Variants in TMEM45B observed in about 807,000 individuals in gnomAD.
The protein encoded by TMEM45B is transmembrane protein 45B.
TMEM45B carries 29 observed loss-of-function variants against 27.3 expected under a neutral mutation model. That is an observed-to-expected ratio of 1.06 (90% CI 0.79 to 1.45). The LOEUF (loss-of-function observed/expected upper bound fraction) is 1.45. TMEM45B is among the 40% of genes most tolerant of loss of function. The pLI is 0.00. For missense variants in TMEM45B, 348 were observed against 343.9 expected, an observed-to-expected ratio of 1.01 and a Z score of -0.09; for synonymous variants, 143 against 134.7, an observed-to-expected ratio of 1.06 and a Z score of -0.43.
chr11:129,830,109 C>T (rs1361744701), intron 1 of TMEM45B, among the ~76,000 whole-genome samples: 4 of 152,196 alleles, frequency 2.6e-5, no homozygotes, highest in Non-Finnish European at 5.9e-5. Flanking sequence ...GGCTGAATCA[C>T]CTGAAGTTAG....
chr11:129,845,712 C>A (rs926800627), intron 1 of TMEM45B, among the ~76,000 whole-genome samples: 1 of 151,896 alleles, frequency 6.6e-6, no homozygotes, highest in Non-Finnish European at 1.5e-5. Context: ...CTAAATAAAC[C>A]GTCCCAATAA....
intron 1 of TMEM45B, among the ~76,000 whole-genome samples, chr11:129,817,952 TAA>T (rs1405981928): frequency 6.6e-6 from 1 of 152,222 alleles, no homozygotes; most frequent in Non-Finnish European, 1.5e-5. Flanking sequence ...GTAAGAGAAT[TAA>T]AGTCACTAGT....
chr11:129,847,674 G>A lies in TMEM45B; in HGVS notation c.-8-4801G>A, dbSNP rs1034967686. On this transcript the variant is annotated intron_variant, in intron 1 of 5. Coordinates refer to ENST00000281441, the MANE Select transcript of TMEM45B (RefSeq NM_138788.5). ...ATCCATTTAACCCTGAGTGGACACA[G>A]CACATGTTTCAGAGAGCACAGGGTT... 1.3e-3 allele frequency among the ~76,000 whole-genome samples: 200 copies of A among 152,014 alleles called. 1 individual carries two copies. Among genetic ancestry groups the A allele is most frequent in the African/African-American group, 4.7e-3 (195 of 41,444 alleles).
chr11:129,824,728 C>A (rs564667640), intron 1 of TMEM45B, among the ~76,000 whole-genome samples: 7 of 152,126 alleles, frequency 4.6e-5, no homozygotes, highest in Non-Finnish European at 1.0e-4. Flanking sequence ...GACTAATGGG[C>A]AAGACATATG....
At chr11:129,816,696 A>T (rs1002472070) in intron 1 of TMEM45B, among the ~76,000 whole-genome samples, 1 of 149,056 alleles carries the variant, frequency 6.7e-6, no homozygotes, top group African/African-American at 2.5e-5. Context: ...ATTTGAGGGC[A>T]GGTAGCTCTC....
chr11:129,826,316 G>A (rs897750977), intron 1 of TMEM45B, among the ~76,000 whole-genome samples: 11 of 151,954 alleles, frequency 7.2e-5, no homozygotes, highest in Non-Finnish European at 1.2e-4. Context: ...TTGGGAGGCC[G>A]AGGCGGGCGG....
intron 2 of TMEM45B, among the ~76,000 whole-genome samples, 172 bp from the exon 3 acceptor site, chr11:129,854,438 C>A (rs1342008180): frequency 6.6e-6 from 1 of 152,194 alleles, no homozygotes; most frequent in Admixed American, 6.5e-5. Context: ...AGCACACACC[C>A]TACTTTATAC....
chr11:129,842,510 T>G (rs753625086), intron 1 of TMEM45B, among the ~76,000 whole-genome samples: 3 of 152,230 alleles, frequency 2.0e-5, no homozygotes, highest in Non-Finnish European at 4.4e-5. Flanking sequence ...TTAACTAATC[T>G]TCTACAAGGT....
chr11:129,829,450 A>C (rs1947523215), intron 1 of TMEM45B, among the ~76,000 whole-genome samples: 1 of 152,204 alleles, frequency 6.6e-6, no homozygotes, highest in African/African-American at 2.4e-5. Flanking sequence ...ATCTGACAAA[A>C]TTTTAAGATT....
At chr11:129,851,295 G>C (rs1407898131) in intron 1 of TMEM45B, among the ~76,000 whole-genome samples, 2 of 152,056 alleles carry the variant, frequency 1.3e-5, no homozygotes, top group Non-Finnish European at 2.9e-5. Flanking sequence ...TGTAATCCCA[G>C]CACTTTGGGA....
intron 1 of TMEM45B, chr11:129,828,298 G>A (rs536950591): frequency 6.6e-6 from 1 of 152,320 alleles, no homozygotes; most frequent in South Asian, 2.1e-4. Context: ...ATATCATGGT[G>A]AAATCGTGCC....
Position 129,856,884 on chromosome 11 carries a change from G to A in TMEM45B, c.571-429G>A, listed in dbSNP as rs1441575442. Among the ~76,000 whole-genome samples the A allele has an allele frequency of 7.2e-4, 103 of 142,298 alleles. 1 individual carries two copies. The highest frequency in any genetic ancestry group is 1.7e-3 in the Admixed American group (24 of 13,988). The allele number at this position is 142,298 out of a possible 152,430, so 93.4% of individuals were successfully genotyped here. On this transcript the variant is annotated intron_variant, in intron 4 of 5. Coordinates refer to ENST00000281441, the MANE Select transcript of TMEM45B (RefSeq NM_138788.5). Reference sequence around the variant, plus strand: ...TTTTTTTTTTTTTTAAGACAGTCTCGCACTGTGGCCCGGGCTGGTGTGCAG... The same window carrying A: ...TTTTTTTTTTTTTTAAGACAGTCTCACACTGTGGCCCGGGCTGGTGTGCAG...
At chr11:129,853,706 C>A (rs1947881234) in intron 2 of TMEM45B, among the ~76,000 whole-genome samples, 1 of 152,182 alleles carries the variant, frequency 6.6e-6, no homozygotes, top group Admixed American at 6.5e-5. Flanking sequence ...CACACAGCCG[C>A]TGCTGTCACA....
intron 4 of TMEM45B, among the ~76,000 whole-genome samples, chr11:129,856,599 G>A (rs1220428883): frequency 1.8e-5 from 2 of 108,344 alleles, no homozygotes; most frequent in African/African-American, 7.5e-5. Flanking sequence ...TCGCTTTGTC[G>A]CCCAGGCTGG....
intron 1 of TMEM45B, among the ~76,000 whole-genome samples, chr11:129,818,390 A>T (rs1947377739): frequency 1.3e-5 from 2 of 152,246 alleles, no homozygotes; most frequent in African/African-American, 2.4e-5. Context: ...AGATATCATA[A>T]GCCATTATCT....
chr11:129,846,852 T>C (rs1947766920), intron 1 of TMEM45B, among the ~76,000 whole-genome samples: 1 of 152,184 alleles, frequency 6.6e-6, no homozygotes, highest in Non-Finnish European at 1.5e-5. Flanking sequence ...AACACTGTTC[T>C]AGAAGCCACA....
intron 3 of TMEM45B, 148 bp downstream of exon 3, chr11:129,854,964 C>A (rs987985281): frequency 2.3e-6 from 2 of 882,772 alleles, no homozygotes; most frequent in African/African-American, 1.7e-5. Flanking sequence ...TGAATAGGAC[C>A]TAGTGCTCTA....
At position 129,830,196 on chromosome 11, in the gene TMEM45B, G is replaced by A. The variant is rs541719366; in HGVS notation, c.-9+14298G>A. On this transcript the variant is annotated intron_variant, in intron 1 of 5. Coordinates refer to ENST00000281441, the MANE Select transcript of TMEM45B (RefSeq NM_138788.5). ...TACAAAATTAGCCAGGTGTGGTGGC[G>A]CATGCCTGTAATCCCAGCTACTCAG... Among the ~76,000 whole-genome samples, 62 of 152,248 alleles carry A rather than the reference G, an allele frequency of 4.1e-4. No homozygotes were observed. The South Asian group carries it at 5.0e-3, about 12-fold the overall frequency.
At chr11:129,857,173 A>G in intron 4 of TMEM45B, 140 bp from the exon 5 acceptor site, 1 of 985,478 alleles carries the variant, frequency 1.0e-6, no homozygotes, top group Non-Finnish European at 1.5e-6. Flanking sequence ...TCTATGTGAA[A>G]AGGCCTTTCT....
Sources: gnomAD v4.1 joint callset for allele counts (sites outside exome capture counted in the v4.1 genomes callset) on GRCh38, gnomAD v4.1.1 for gene constraint, MANE v1.5 for transcripts, NCBI Gene and HGNC (gene_info 2026-07-23, HGNC 2026-07-21) for gene names.